The following HERC4 variants were observed in gnomAD, a reference collection of about 807,000 sequenced individuals.
The protein encoded by HERC4 is probable E3 ubiquitin-protein ligase HERC4.
A neutral mutation model predicts 124.3 loss-of-function variants in HERC4; 28 were observed. The ratio of observed to expected loss-of-function variants is 0.23; its 90% CI spans 0.17 to 0.31. The LOEUF (loss-of-function observed/expected upper bound fraction) is 0.31, where lower values mean the gene tolerates loss of function less well. Ranked by LOEUF, HERC4 falls within the 10% of genes least tolerant of loss-of-function variation. The pLI is 1.00. For synonymous variants in HERC4, 407 were observed against 421.5 expected, an observed-to-expected ratio of 0.97 and a Z score of 0.42; for missense variants, 713 against 1,229.3, an observed-to-expected ratio of 0.58 and a Z score of 6.28.
chr10:68,001,934 T>C (rs2037257663), intron 9 of HERC4, among the ~76,000 whole-genome samples: 1 of 151,936 alleles, frequency 6.6e-6, no homozygotes, highest in African/African-American at 2.4e-5. Flanking sequence ...GTATACAATA[T>C]TTTTTTTCAC....
chr10:67,990,597 C>T (rs1044272836), intron 13 of HERC4, among the ~76,000 whole-genome samples, 197 bp from the exon 14 acceptor site: 1 of 151,908 alleles, frequency 6.6e-6, no homozygotes, highest in African/African-American at 2.4e-5. Context: ...AAATTAATGC[C>T]TAAGCATTAC....
intron 20 of HERC4, among the ~76,000 whole-genome samples, chr10:67,940,391 G>T (rs1459389624): frequency 6.6e-6 from 1 of 151,582 alleles, no homozygotes; most frequent in Non-Finnish European, 1.5e-5. Context: ...TCTGATATTT[G>T]CAAGGTATTG....
Position 68,049,831 on chromosome 10 carries a change from A to G in HERC4, c.227-5268T>C, listed in dbSNP as rs945740717. 3.9e-5 allele frequency among the ~76,000 whole-genome samples: 6 copies of G among 152,052 alleles called. No individual in the cohort carries two copies. The East Asian group carries it at 9.6e-4, about 24-fold the overall frequency. On this transcript the variant is annotated intron_variant, in intron 3 of 24. Coordinates refer to ENST00000373700, the MANE Select transcript of HERC4 (RefSeq NM_015601.4). ...GGAATTGAGGTGGGAGGATCTCTTA[A>G]GCCTATGAGGTCAGGGCTACAGTGA...
intron 16 of HERC4, among the ~76,000 whole-genome samples, chr10:67,962,301 G>A (rs2034577534): frequency 6.6e-6 from 1 of 151,384 alleles, no homozygotes; most frequent in Non-Finnish European, 1.5e-5. Context: ...TTTATAGTAT[G>A]GGAGATCGAT....
intron 16 of HERC4, 95 bp downstream of exon 16, chr10:67,966,588 A>G: frequency 6.5e-6 from 8 of 1,230,510 alleles, no homozygotes; most frequent in South Asian, 2.9e-5. Context: ...AAAAGTTCTG[A>G]AAAAACTTTC....
At chr10:68,048,878 A>G (rs1019715103) in intron 3 of HERC4, among the ~76,000 whole-genome samples, 1 of 152,204 alleles carries the variant, frequency 6.6e-6, no homozygotes, top group African/African-American at 2.4e-5. Context: ...CCAAGATACC[A>G]TTTATTCATC....
intron 3 of HERC4, among the ~76,000 whole-genome samples, chr10:68,045,175 G>A (rs915934465): frequency 6.6e-6 from 1 of 152,048 alleles, no homozygotes; most frequent in African/African-American, 2.4e-5. Flanking sequence ...ACAAAAATTA[G>A]CTGGGTGTGT....
intron 9 of HERC4, among the ~76,000 whole-genome samples, chr10:68,001,359 G>A (rs2037219457): frequency 7.0e-6 from 1 of 141,910 alleles, no homozygotes; most frequent in Admixed American, 7.5e-5. Flanking sequence ...GCAACAGAGT[G>A]AGACCTTGTA....
chr10:68,011,402 C>T (rs1053843204), intron 9 of HERC4, among the ~76,000 whole-genome samples: 23 of 152,200 alleles, frequency 1.5e-4, no homozygotes, highest in African/African-American at 5.5e-4. Flanking sequence ...GTGGTAACTA[C>T]AGCCTTACGA....
At chr10:67,966,601 A>G in intron 16 of HERC4, 82 bp downstream of exon 16, 3 of 1,395,400 alleles carry the variant, frequency 2.1e-6, no homozygotes, top group Admixed American at 4.9e-5. Context: ...AAACTTTCTC[A>G]TTTCAAAACC....
chr10:67,949,283 C>CA (rs1450033372), intron 19 of HERC4, among the ~76,000 whole-genome samples: 12 of 150,338 alleles, frequency 8.0e-5, no homozygotes, highest in Admixed American at 2.0e-4. Context: ...GACTCTGTCT[C>CA]AAAAAAAATA....
chr10:67,948,039 G>A (rs2033518501), intron 19 of HERC4, among the ~76,000 whole-genome samples: 1 of 151,592 alleles, frequency 6.6e-6, no homozygotes, highest in African/African-American at 2.4e-5. Context: ...AATCACAAGG[G>A]AAATTAGAAA....
chr10:67,985,919 G>C (rs1480210132), intron 15 of HERC4, among the ~76,000 whole-genome samples: 2 of 152,192 alleles, frequency 1.3e-5, no homozygotes, highest in South Asian at 2.1e-4. Flanking sequence ...TCCAGAGTTA[G>C]AGAAAGAAGA....
chr10:68,062,482 C>T (rs1034418123), intron 3 of HERC4, among the ~76,000 whole-genome samples: 9 of 152,132 alleles, frequency 5.9e-5, no homozygotes, highest in Non-Finnish European at 1.0e-4. Flanking sequence ...CGGCCGGGCA[C>T]GGTGGCTCAC....
chr10:67,977,308 G>A (rs2035652058), intron 15 of HERC4, among the ~76,000 whole-genome samples: 1 of 152,118 alleles, frequency 6.6e-6, no homozygotes. Context: ...ATACACAGTG[G>A]CCAGAAGGGA....
intron 3 of HERC4, among the ~76,000 whole-genome samples, chr10:68,066,424 C>T (rs1283758013): frequency 6.6e-6 from 1 of 152,170 alleles, no homozygotes; most frequent in Non-Finnish European, 1.5e-5. Context: ...GTATGTGGCT[C>T]ACTTCTAATC....
intron 7 of HERC4, among the ~76,000 whole-genome samples, chr10:68,027,329 G>A (rs532870126): frequency 6.6e-6 from 1 of 152,128 alleles, no homozygotes; most frequent in Non-Finnish European, 1.5e-5. Flanking sequence ...CAAAAGGTTG[G>A]TTATTTTGTT....
chr10:68,064,115 C>T (rs1003817027), intron 3 of HERC4, among the ~76,000 whole-genome samples: 4 of 151,546 alleles, frequency 2.6e-5, no homozygotes, highest in Non-Finnish European at 4.4e-5. Flanking sequence ...TGGTGGCACA[C>T]GCCTGTAATC....
At chr10:67,941,527 C>T (rs973255771) in intron 19 of HERC4, among the ~76,000 whole-genome samples, 1 of 151,962 alleles carries the variant, frequency 6.6e-6, no homozygotes, top group Admixed American at 6.6e-5. Flanking sequence ...ACCAATCACT[C>T]AGGAATAATG....
Sources: gnomAD v4.1 joint callset for allele counts (sites outside exome capture counted in the v4.1 genomes callset) on GRCh38, gnomAD v4.1.1 for gene constraint, MANE v1.5 for transcripts, NCBI Gene and HGNC (gene_info 2026-07-23, HGNC 2026-07-21) for gene names.